The following TOMM70 variants were observed in gnomAD, a reference collection of about 807,000 sequenced individuals.
The protein encoded by TOMM70 is translocase of outer mitochondrial membrane 70, also known as mitochondrial import receptor subunit TOM70.
A neutral mutation model predicts 73.6 loss-of-function variants in TOMM70; 13 were observed. That is an observed-to-expected ratio of 0.18 (90% CI 0.11 to 0.28). TOMM70 has a LOEUF of 0.28. Ranked by LOEUF, TOMM70 falls within the 10% of genes least tolerant of loss-of-function variation. The pLI is 1.00. For missense variants in TOMM70, 609 were observed against 747.5 expected, an observed-to-expected ratio of 0.81 and a Z score of 2.16; for synonymous variants, 257 against 271.2, an observed-to-expected ratio of 0.95 and a Z score of 0.51.
chr3:100,374,357 G>A (rs886928584), intron 7 of TOMM70, among the ~76,000 whole-genome samples: 6 of 152,130 alleles, frequency 3.9e-5, no homozygotes, highest in South Asian at 2.1e-4. Flanking sequence ...CAACAAAATC[G>A]CCTAATAATG....
At chr3:100,394,870 C>G (rs1328999947) in intron 1 of TOMM70, among the ~76,000 whole-genome samples, 1 of 152,110 alleles carries the variant, frequency 6.6e-6, no homozygotes. Context: ...GGATTCAAAC[C>G]TAATAAGGAA....
At chr3:100,386,133 C>T in intron 3 of TOMM70, 85 bp downstream of exon 3, 2 of 1,434,674 alleles carry the variant, frequency 1.4e-6, no homozygotes, top group Non-Finnish European at 1.9e-6. Flanking sequence ...CTGATTCTTG[C>T]ACTCACAAGG....
intron 1 of TOMM70, among the ~76,000 whole-genome samples, chr3:100,390,364 G>A (rs1706744561): frequency 6.6e-6 from 1 of 152,134 alleles, no homozygotes; most frequent in African/African-American, 2.4e-5. Flanking sequence ...ACATAACAAT[G>A]TTTTAGTCAA....
chr3:100,372,080 T>C (rs1304092217), intron 9 of TOMM70: 1 of 152,252 alleles, frequency 6.6e-6, no homozygotes, highest in East Asian at 1.9e-4. Flanking sequence ...TTCATTTAAA[T>C]GGATGATTTA....
chr3:100,367,898 TGCCTTAGCACA>T (rs1303936475), intron 11 of TOMM70, 135 bp downstream of exon 11: 1 of 848,826 alleles, frequency 1.2e-6, no homozygotes, highest in Non-Finnish European at 1.6e-6. Flanking sequence ...CTTATGTCAC[TGCCTTAGCACA>T]TTTTTTTTTC....
intron 1 of TOMM70, among the ~76,000 whole-genome samples, chr3:100,398,109 G>A (rs1706845838): frequency 1.3e-5 from 2 of 152,122 alleles, no homozygotes; most frequent in South Asian, 2.1e-4. Context: ...TTCAGCCGGT[G>A]AGGTGGCTCG....
At chr3:100,383,677 T>C (rs1706661051) in intron 4 of TOMM70, among the ~76,000 whole-genome samples, 2 of 152,150 alleles carry the variant, frequency 1.3e-5, no homozygotes, top group African/African-American at 4.8e-5. Flanking sequence ...TCCAGAGATA[T>C]AAAATTAAAA....
Position 100,386,847 on chromosome 3 carries a change from A to C in TOMM70, c.456T>G (p.Leu152=), listed in dbSNP as rs1477556797. The change falls in exon 2 of 12, where the codon CTT becomes CTG. Residue 152 remains leucine (L), a synonymous_variant. Transcript: ENST00000284320. ...CAGCTCTGTTTTGATAAAATGTAGAAAGGTCAACATTCTTCTCTGTAGGGC... is the reference window on the plus strand; with the variant it reads ...CAGCTCTGTTTTGATAAAATGTAGACAGGTCAACATTCTTCTCTGTAGGGC... ...SLCPTEKNVD[L]STFYQNRAAA... The C allele has an allele frequency of 6.2e-7, 1 of 1,614,146 alleles. No individual in the cohort carries two copies. Among genetic ancestry groups the C allele is most frequent in the African/African-American group, 1.3e-5 (1 of 75,062 alleles).
chr3:100,376,550 AC>A, intron 6 of TOMM70, among the ~76,000 whole-genome samples: 1 of 148,558 alleles, frequency 6.7e-6, no homozygotes, highest in Non-Finnish European at 1.5e-5. Flanking sequence ...ATGAGCCACC[AC>A]CCCAGCCAAG....
At chr3:100,394,056 A>G (rs1034537207) in intron 1 of TOMM70, among the ~76,000 whole-genome samples, 1 of 152,254 alleles carries the variant, frequency 6.6e-6, no homozygotes, top group African/African-American at 2.4e-5. Flanking sequence ...GCATTTATAA[A>G]ATATTAACCT....
intron 5 of TOMM70, 73 bp downstream of exon 5, chr3:100,381,542 C>T (rs1706633756): frequency 7.0e-7 from 1 of 1,421,066 alleles, no homozygotes; most frequent in Non-Finnish European, 9.5e-7. Flanking sequence ...TGGCTCAGAA[C>T]CCATATGGGC....
intron 10 of TOMM70, 87 bp downstream of exon 10, chr3:100,368,951 T>TC: frequency 1.1e-6 from 1 of 885,660 alleles, no homozygotes. Flanking sequence ...TCTACCACAG[T>TC]CCCCTTCCTC....
At chr3:100,381,201 T>G (rs1432488528) in intron 5 of TOMM70, among the ~76,000 whole-genome samples, 1 of 152,056 alleles carries the variant, frequency 6.6e-6, no homozygotes, top group Non-Finnish European at 1.5e-5. Flanking sequence ...TTGAAAAAAT[T>G]CACTCTTTGG....
At chr3:100,370,758 C>T (rs1706500829) in intron 9 of TOMM70, among the ~76,000 whole-genome samples, 1 of 152,122 alleles carries the variant, frequency 6.6e-6, no homozygotes. Context: ...AATTTGAGTG[C>T]AAACTGACTG....
rs1260995871 is a variant in TOMM70 at position 100,386,353 on chromosome 3, G to A, written c.499-9C>T. 6.3e-7 allele frequency: 1 copy of A among 1,590,984 alleles called. No homozygotes were observed. Among genetic ancestry groups the A allele is most frequent in the Non-Finnish European group, 8.5e-7 (1 of 1,170,606 alleles). ...ACTTCTTTCCATTTTTGCTGTAATT[G>A]AAAGTATTTAAAAAAAGTCACACTA... On this transcript the variant is annotated splice_polypyrimidine_tract_variant and intron_variant, in intron 2 of 11. Transcript: ENST00000284320.
At position 100,386,347 on chromosome 3, in the gene TOMM70, G is replaced by A; in HGVS notation, c.499-3C>T. Reference sequence around the variant, plus strand: ...TGTGCCACTTCTTTCCATTTTTGCTGTAATTGAAAGTATTTAAAAAAAGTC... The same window carrying A: ...TGTGCCACTTCTTTCCATTTTTGCTATAATTGAAAGTATTTAAAAAAAGTC... On this transcript the variant is annotated splice_region_variant and splice_polypyrimidine_tract_variant and intron_variant, in intron 2 of 11. Transcript: ENST00000284320. 1 of 1,591,856 alleles carries A rather than the reference G, an allele frequency of 6.3e-7. No homozygotes were observed. Among genetic ancestry groups the A allele is most frequent in the East Asian group, 2.2e-5 (1 of 44,610 alleles).
chr3:100,373,103 T>C lies in TOMM70; in HGVS notation c.1336-381A>G, dbSNP rs368908742. On this transcript the variant is annotated intron_variant, in intron 8 of 11. Coordinates refer to ENST00000284320, the MANE Select transcript of TOMM70 (RefSeq NM_014820.5). ...TCTTTTACGACTCCAGCCATACAGC[T>C]AACTGGAAGTATCTTATTTTACTAG... is the stretch of plus-strand genomic sequence containing the variant. Among the ~76,000 whole-genome samples the C allele has an allele frequency of 6.7e-5, 10 of 149,804 alleles. No homozygotes were observed. The East Asian group carries it at 1.6e-3, about 23-fold the overall frequency.
At chr3:100,372,899 G>T (rs1476101556) in intron 8 of TOMM70, among the ~76,000 whole-genome samples, 177 bp from the exon 9 acceptor site, 1 of 152,164 alleles carries the variant, frequency 6.6e-6, no homozygotes, top group Non-Finnish European at 1.5e-5. Flanking sequence ...CAAAGGTTAT[G>T]TACAACTAGG....
intron 1 of TOMM70, among the ~76,000 whole-genome samples, chr3:100,393,160 G>C (rs1706782028): frequency 6.8e-6 from 1 of 146,154 alleles, no homozygotes; most frequent in Admixed American, 6.9e-5. Flanking sequence ...TGGGCAACAA[G>C]AGTGAAACTC....
Sources: gnomAD v4.1 joint callset for allele counts (sites outside exome capture counted in the v4.1 genomes callset) on GRCh38, gnomAD v4.1.1 for gene constraint, MANE v1.5 for transcripts, NCBI Gene and HGNC (gene_info 2026-07-23, HGNC 2026-07-21) for gene names.